The following SLC5A5 variants were observed in gnomAD, a reference collection of about 807,000 sequenced individuals.
SLC5A5 encodes solute carrier family 5 member 5.
SLC5A5 carries 56 observed loss-of-function variants against 68.6 expected under a neutral mutation model. The observed-to-expected ratio is 0.82, with a 90% CI of 0.66 to 1.02. The LOEUF (loss-of-function observed/expected upper bound fraction) is 1.02, where lower values mean the gene tolerates loss of function less well. SLC5A5 is among the 50% of genes least tolerant of loss of function. The pLI is 0.00. For missense variants in SLC5A5, 807 were observed against 859.8 expected, an observed-to-expected ratio of 0.94 and a Z score of 0.77; for synonymous variants, 398 against 373.0, an observed-to-expected ratio of 1.07 and a Z score of -0.77.
chr19:17,880,024 G>A (rs940936656), intron 7 of SLC5A5, among the ~76,000 whole-genome samples: 15 of 151,038 alleles, frequency 9.9e-5, no homozygotes, highest in Non-Finnish European at 1.6e-4. Context: ...CTCAGCCCCC[G>A]AGTAGCTGGG....
intron 13 of SLC5A5, 55 bp from the exon 14 acceptor site, chr19:17,890,831 C>A: frequency 8.2e-7 from 1 of 1,219,966 alleles, no homozygotes. Flanking sequence ...GGTCTCCAAC[C>A]CCCATGACCC....
chr19:17,893,560 G>C (rs2030281867), intron 14 of SLC5A5, among the ~76,000 whole-genome samples, 153 bp from the exon 15 acceptor site: 1 of 152,150 alleles, frequency 6.6e-6, no homozygotes, highest in Non-Finnish European at 1.5e-5. Context: ...GAGCGGGCAG[G>C]ACTGGCCCGT....
Position 17,872,454 on chromosome 19 carries a change from G to A in SLC5A5, c.135G>A (p.Glu45=). The part of the protein sequence containing the change: ...GLARGGQRSA[E]DFFTGGRRLA... ...CTCGGGGCGGGCAGCGCAGCGCTGA[G>A]GACTTCTTCACCGGGGGCCGGCGCC... Residue 45 remains glutamate, a synonymous_variant, in exon 1 of 15, where the codon GAG becomes GAA. Coordinates refer to ENST00000222248, the MANE Select transcript of SLC5A5 (RefSeq NM_000453.3). 1 of 1,611,046 alleles carries A rather than the reference G, an allele frequency of 6.2e-7. No homozygotes were observed. The highest frequency in any genetic ancestry group is 8.5e-7 in the Non-Finnish European group (1 of 1,179,078).
intron 14 of SLC5A5, among the ~76,000 whole-genome samples, chr19:17,891,936 G>A (rs1004053213): frequency 5.3e-5 from 8 of 152,142 alleles, no homozygotes; most frequent in Non-Finnish European, 2.9e-5. Context: ...AGGGGCAGGT[G>A]AAAACTAAAA....
At chr19:17,893,640 G>C (rs1283516736) in intron 14 of SLC5A5, 73 bp from the exon 15 acceptor site, 1 of 1,455,538 alleles carries the variant, frequency 6.9e-7, no homozygotes. Flanking sequence ...TAGCCCATCT[G>C]GGAGATGAGC....
At chr19:17,887,947 CT>C (rs1233326607) in intron 12 of SLC5A5, among the ~76,000 whole-genome samples, 2 of 152,014 alleles carry the variant, frequency 1.3e-5, no homozygotes, top group Non-Finnish European at 2.9e-5. Flanking sequence ...TTATTTTTTT[CT>C]TTGGTGGCTT....
chr19:17,883,683 C>T lies in SLC5A5; in HGVS notation c.1245C>T (p.Gly415=). 1 of 1,613,226 alleles carries T rather than the reference C, an allele frequency of 6.2e-7. No homozygotes were observed. Among genetic ancestry groups the T allele is most frequent in the East Asian group, 2.2e-5 (1 of 44,866 alleles). Residue 415 remains glycine (G), a splice_region_variant and synonymous_variant, in exon 11 of 15, where the codon GGC becomes GGT. Coordinates refer to ENST00000222248, the MANE Select transcript of SLC5A5 (RefSeq NM_000453.3). ...CCCACTTCCACCTACTCTCCCAGGG[C>T]TCCTTCACCGTCATGGGAGTCATCA... The part of the protein sequence containing the change: ...SSLLGGGVLQ[G]SFTVMGVISG...
Position 17,894,040 on chromosome 19 carries a change from G to T in SLC5A5, c.*163G>T, listed in dbSNP as rs2030311045. On this transcript the variant is annotated 3_prime_UTR_variant, in exon 15 of 15. Transcript: ENST00000222248. The stretch of plus-strand genomic sequence containing the variant: ...ACCCTATGGGGAGGCCCTGCCTCCG[G>T]GAGGTCATTTTTTAAATCCAGCCCC... 1.4e-6 allele frequency: 1 copy of T among 700,316 alleles called. No homozygotes were observed. Among genetic ancestry groups the T allele is most frequent in the Non-Finnish European group, 2.4e-6 (1 of 414,466 alleles). The allele number at this position is 700,316 out of a possible 1,614,324, so 43.4% of individuals were successfully genotyped here.
intron 10 of SLC5A5, among the ~76,000 whole-genome samples, chr19:17,883,167 C>T (rs2094324691): frequency 6.6e-6 from 1 of 152,034 alleles, no homozygotes; most frequent in Admixed American, 6.6e-5. Flanking sequence ...CGCTTCGTGC[C>T]TAGGCTTGTC....
At chr19:17,878,974 C>CAAAAAAA (rs1368928380) in intron 7 of SLC5A5, among the ~76,000 whole-genome samples, 10 of 47,920 alleles carry the variant, frequency 2.1e-4, no homozygotes, top group Non-Finnish European at 3.0e-4. Flanking sequence ...GACTCCATCT[C>CAAAAAAA]AAAAAAAAAA....
At chr19:17,886,460 A>G (rs933578600) in intron 12 of SLC5A5, among the ~76,000 whole-genome samples, 4 of 152,072 alleles carry the variant, frequency 2.6e-5, no homozygotes, top group African/African-American at 9.7e-5. Context: ...GGCATATGCC[A>G]CCACGCCTGG....
At chr19:17,877,604 G>A (rs2094310410) in intron 5 of SLC5A5, 119 bp from the exon 6 acceptor site, 3 of 1,310,112 alleles carry the variant, frequency 2.3e-6, no homozygotes, top group Non-Finnish European at 3.2e-6. Context: ...CACTGCGCCT[G>A]GCCAACAAAA....
intron 1 of SLC5A5, 116 bp downstream of exon 1, chr19:17,872,792 T>C (rs1387420612): frequency 2.8e-6 from 2 of 724,306 alleles, no homozygotes; most frequent in African/African-American, 3.5e-5. Context: ...GGCACCTCGG[T>C]GCTTTAACGG....
chr19:17,888,184 A>G (rs2029996915), intron 12 of SLC5A5, 147 bp from the exon 13 acceptor site: 2 of 926,526 alleles, frequency 2.2e-6, no homozygotes, highest in Non-Finnish European at 1.7e-6. Context: ...AACATTGGCT[A>G]CTGCACAGAT....
chr19:17,883,260 G>A (rs1387733231), intron 10 of SLC5A5, among the ~76,000 whole-genome samples: 1 of 151,752 alleles, frequency 6.6e-6, no homozygotes, highest in Non-Finnish European at 1.5e-5. Context: ...TGATGCCAGA[G>A]GCCATCAGGG....
At position 17,872,218 on chromosome 19, in the gene SLC5A5, T is replaced by TACCC; in HGVS notation, c.-102_-101insACCC. The TACCC allele has an allele frequency of 2.2e-6, 1 of 456,252 alleles. No individual in the cohort carries two copies. Among genetic ancestry groups the TACCC allele is most frequent in the Non-Finnish European group, 4.2e-6 (1 of 238,854 alleles). 28.3% of individuals were successfully genotyped at this position (456,252 alleles called of 1,614,324 possible). A position where few individuals can be genotyped will look rare whatever the true frequency, so the allele number is the denominator to read the frequency against. ...AGCGGGGACAGGCTGCCGAGCATCC[T>TACCC]CCCACCCGCCCTCCCCGTCCTGCCT... is the stretch of plus-strand genomic sequence containing the variant. On this transcript the variant is annotated 5_prime_UTR_variant, in exon 1 of 15. Coordinates refer to ENST00000222248, the MANE Select transcript of SLC5A5 (RefSeq NM_000453.3).
chr19:17,883,741 A>C lies in SLC5A5; in HGVS notation c.1303A>C (p.Met435Leu), dbSNP rs772019105. The change falls in exon 11 of 15, where the codon ATG becomes CTG. Residue 435 changes from methionine (M) to leucine (L), a missense_variant. Met to Leu is a conservative substitution (Grantham distance 15, BLOSUM62 2). Coordinates refer to ENST00000222248, the MANE Select transcript of SLC5A5 (RefSeq NM_000453.3). ...GPLLGAFILG[M>L]FLPACNTPGV... is the part of the protein sequence containing the mutation. ...CCTGCTGGGAGCCTTCATCTTGGGAATGTTCCTGCCGGCCTGCAACACACC... is the reference window on the plus strand; with the variant it reads ...CCTGCTGGGAGCCTTCATCTTGGGACTGTTCCTGCCGGCCTGCAACACACC... 4 of 1,405,220 alleles carry C rather than the reference A, an allele frequency of 2.8e-6. No individual in the cohort carries two copies. Among genetic ancestry groups the C allele is most frequent in the South Asian group, 1.1e-5 (1 of 87,926 alleles). 87.0% of individuals were successfully genotyped at this position (1,405,220 alleles called of 1,614,324 possible).
intron 14 of SLC5A5, among the ~76,000 whole-genome samples, chr19:17,891,622 G>C (rs1220478212): frequency 6.6e-6 from 1 of 152,204 alleles, no homozygotes; most frequent in East Asian, 1.9e-4. Context: ...TGAAACTGGT[G>C]TGCTGTTAGG....
intron 14 of SLC5A5, 37 bp downstream of exon 14, chr19:17,891,038 C>A: frequency 7.5e-7 from 1 of 1,339,420 alleles, no homozygotes; most frequent in Non-Finnish European, 1.1e-6. Flanking sequence ...CTAGAGGCAG[C>A]CAAGTGACTT....
Sources: gnomAD v4.1 joint callset for allele counts (sites outside exome capture counted in the v4.1 genomes callset) on GRCh38, gnomAD v4.1.1 for gene constraint, MANE v1.5 for transcripts, NCBI Gene and HGNC (gene_info 2026-07-23, HGNC 2026-07-21) for gene names.